The following CRY1 variants were observed in gnomAD, a reference collection of about 807,000 sequenced individuals.
CRY1 encodes cryptochrome-1.
CRY1 carries 45 observed loss-of-function variants against 76.0 expected under a neutral mutation model. That is an observed-to-expected ratio of 0.59 (90% confidence interval 0.47 to 0.76). CRY1 has a LOEUF of 0.76. Ranked by LOEUF, CRY1 falls within the 30% of genes least tolerant of loss-of-function variation. The pLI, the probability that CRY1 is intolerant of heterozygous loss-of-function variation, is 0.00. For synonymous variants in CRY1, 248 were observed against 244.0 expected, an observed-to-expected ratio of 1.02 and a Z score of -0.15; for missense variants, 587 against 716.4, an observed-to-expected ratio of 0.82 and a Z score of 2.06.
At chr12:107,036,245 C>A (rs1011056254) in intron 1 of CRY1, among the ~76,000 whole-genome samples, 2 of 152,182 alleles carry the variant, frequency 1.3e-5, no homozygotes, top group Non-Finnish European at 2.9e-5. Flanking sequence ...AGCCCAGGTA[C>A]GAATGGTGAA....
chr12:107,038,523 G>A (rs570010095), intron 1 of CRY1, among the ~76,000 whole-genome samples: 98 of 152,338 alleles, frequency 6.4e-4, no homozygotes, highest in African/African-American at 2.2e-3. Flanking sequence ...AAATGGGACA[G>A]AGAAGCAAAG....
intron 1 of CRY1, among the ~76,000 whole-genome samples, chr12:107,062,025 C>CAAAAAAAAAAAAAAAA: frequency 1.1e-5 from 1 of 93,556 alleles, no homozygotes; most frequent in Non-Finnish European, 2.0e-5. Flanking sequence ...GACCCTGTCT[C>CAAAAAAAAAAAAAAAA]AAAAAAAAAA....
intron 1 of CRY1, among the ~76,000 whole-genome samples, chr12:107,068,259 C>CA (rs1266167870): frequency 6.6e-6 from 1 of 152,126 alleles, no homozygotes; most frequent in African/African-American, 2.4e-5. Context: ...TATTTGATTA[C>CA]AATTTTTTGA....
Position 107,080,659 on chromosome 12 carries a change from TAAAAAAGA to T in CRY1, c.158+12137_158+12144del, listed in dbSNP as rs545153497. Reference sequence around the variant, plus strand: ...TGTGTCAAACATTGTTAAAAAAAAATAAAAAAGAAAAAAAGAAAAAAGTCAGGGAATGG... The same window carrying T: ...TGTGTCAAACATTGTTAAAAAAAAATAAAAAAGAAAAAAGTCAGGGAATGG... On this transcript the variant is annotated intron_variant, in intron 1 of 12. Coordinates refer to ENST00000008527, the MANE Select transcript of CRY1 (RefSeq NM_004075.5). Among the ~76,000 whole-genome samples, 178 of 150,474 alleles carry T rather than the reference TAAAAAAGA, an allele frequency of 1.2e-3. 1 individual carries two copies. The highest frequency in any genetic ancestry group is 4.0e-3 in the African/African-American group (161 of 40,742).
intron 4 of CRY1, 91 bp downstream of exon 4, chr12:107,001,673 A>C: frequency 8.3e-7 from 1 of 1,198,040 alleles, no homozygotes; most frequent in South Asian, 1.7e-5. Context: ...AATGCAAAAT[A>C]CTTTACATGG....
intron 1 of CRY1, among the ~76,000 whole-genome samples, chr12:107,064,109 C>G (rs1953082387): frequency 6.6e-6 from 1 of 152,008 alleles, no homozygotes; most frequent in South Asian, 2.1e-4. Context: ...TAGAAATATT[C>G]TATTACGACC....
chr12:107,067,657 A>G (rs1278540406), intron 1 of CRY1, among the ~76,000 whole-genome samples: 1 of 152,124 alleles, frequency 6.6e-6, no homozygotes, highest in African/African-American at 2.4e-5. Flanking sequence ...AGGCCCTTCC[A>G]TGACTAGGAG....
intron 1 of CRY1, among the ~76,000 whole-genome samples, chr12:107,032,948 G>A (rs955901112): frequency 2.0e-5 from 3 of 151,970 alleles, no homozygotes; most frequent in African/African-American, 2.4e-5. Flanking sequence ...ACACAAATTC[G>A]TGAGAAACAG....
chr12:107,000,153 A>AT lies in CRY1; in HGVS notation c.685-72dup, dbSNP rs975295326. ...TTTTAAAAGAACACTCAGAATGGAG[A>AT]TTTTTTTTTTTAAAGTTACATAGTT... is the stretch of plus-strand genomic sequence containing the variant. On this transcript the variant is annotated intron_variant, in intron 5 of 12. Transcript: ENST00000008527. 11,891 of 1,224,738 alleles carry AT rather than the reference A, an allele frequency of 9.7e-3. 1 individual carries two copies. The highest frequency in any genetic ancestry group is 0.015 in the South Asian group (878 of 57,352). 75.9% of individuals were successfully genotyped at this position (1,224,738 alleles called of 1,614,324 possible).
At position 107,069,810 on chromosome 12, in the gene CRY1, A is replaced by C. The variant is rs532245673; in HGVS notation, c.158+22994T>G. Among the ~76,000 whole-genome samples the C allele has an allele frequency of 1.6e-4, 24 of 149,496 alleles. 1 individual carries two copies. The highest frequency in any genetic ancestry group is 3.3e-4 in the Non-Finnish European group (22 of 67,510). On this transcript the variant is annotated intron_variant, in intron 1 of 12. Coordinates refer to ENST00000008527, the MANE Select transcript of CRY1 (RefSeq NM_004075.5). ...CGACAAATAAAACTGAAAAGACAGC[A>C]CATCAACAGAAAAATGAACAAGACA...
intron 1 of CRY1, among the ~76,000 whole-genome samples, chr12:107,036,325 T>C (rs1425884013): frequency 2.0e-5 from 3 of 152,220 alleles, no homozygotes; most frequent in Admixed American, 6.5e-5. Context: ...TCTAAAACTA[T>C]GGCAAATCTT....
intron 2 of CRY1, among the ~76,000 whole-genome samples, chr12:107,020,136 C>T (rs1445705944): frequency 1.4e-5 from 2 of 146,198 alleles, no homozygotes; most frequent in Admixed American, 1.4e-4. Context: ...TGTGAACCCT[C>T]TTTATTGAAT....
At chr12:107,056,762 C>G (rs754843383) in intron 1 of CRY1, among the ~76,000 whole-genome samples, 2 of 152,052 alleles carry the variant, frequency 1.3e-5, no homozygotes, top group Non-Finnish European at 2.9e-5. Flanking sequence ...ATCTTCAAAG[C>G]AGCTAGAGGA....
At chr12:107,070,666 T>TTTTTTTA (rs1263215924) in intron 1 of CRY1, among the ~76,000 whole-genome samples, 1 of 139,690 alleles carries the variant, frequency 7.2e-6, no homozygotes, top group Admixed American at 7.4e-5. Flanking sequence ...ATTCTCTTAT[T>TTTTTTTA]TTTATTTATT....
chr12:107,023,366 T>A (rs1486026122), intron 1 of CRY1, among the ~76,000 whole-genome samples: 1 of 152,204 alleles, frequency 6.6e-6, no homozygotes, highest in Admixed American at 6.5e-5. Flanking sequence ...ACTTGCCACA[T>A]TTCAAGTCCT....
At chr12:107,068,197 T>C (rs548119544) in intron 1 of CRY1, among the ~76,000 whole-genome samples, 40 of 152,300 alleles carry the variant, frequency 2.6e-4, no homozygotes, top group South Asian at 4.1e-4. Context: ...AAAATATTTA[T>C]CATCTGGCCC....
chr12:107,042,647 T>C (rs1952810973), intron 1 of CRY1, among the ~76,000 whole-genome samples: 1 of 152,208 alleles, frequency 6.6e-6, no homozygotes, highest in Admixed American at 6.5e-5. Context: ...CTCATCGCCA[T>C]CACAAAGACA....
At chr12:107,050,378 G>A (rs992152918) in intron 1 of CRY1, 2 of 152,320 alleles carry the variant, frequency 1.3e-5, no homozygotes, top group Non-Finnish European at 2.9e-5. Flanking sequence ...GCCTAGGGGG[G>A]AGCCATTTGG....
intron 1 of CRY1, among the ~76,000 whole-genome samples, chr12:107,024,732 A>T (rs1952590064): frequency 6.6e-6 from 1 of 152,242 alleles, no homozygotes; most frequent in South Asian, 2.1e-4. Context: ...GGACTAAAGT[A>T]ATGTGTTACA....
Sources: allele counts gnomAD v4.1 joint callset (sites outside exome capture counted in the v4.1 genomes callset), GRCh38; gene constraint gnomAD v4.1.1; transcripts MANE v1.5; gene names NCBI Gene and HGNC (gene_info 2026-07-23, HGNC 2026-07-21).